Variants in KLHDC1 observed in about 807,000 individuals in gnomAD.
KLHDC1 encodes the protein kelch domain-containing protein 1.
In KLHDC1, 53 loss-of-function variants were observed where a neutral mutation model predicts 68.3. That is an observed-to-expected ratio of 0.78 (90% CI 0.62 to 0.98). KLHDC1 has a LOEUF of 0.98. Among genes scored for constraint, KLHDC1 ranks in the 50% least tolerant of loss-of-function variants. The pLI is 0.00. For synonymous variants in KLHDC1, 148 were observed against 159.0 expected (o/e 0.93, Z 0.52); for missense variants, 470 against 492.3 (o/e 0.95, Z 0.43).
intron 1 of KLHDC1, among the ~76,000 whole-genome samples, chr14:49,703,559 T>C (rs1477463270): frequency 6.6e-6 from 1 of 152,134 alleles, no homozygotes; most frequent in Non-Finnish European, 1.5e-5. Context: ...GCCAGGTTGA[T>C]CTTGGACTCC....
At chr14:49,707,963 A>G (rs141698913) in intron 1 of KLHDC1, among the ~76,000 whole-genome samples, 1,577 of 151,594 alleles carry the variant, frequency 0.01, 14 homozygotes, top group Admixed American at 0.015. Context: ...GCCTATTTTT[A>G]AATTTAAAGA....
At chr14:49,716,139 T>A (rs1888370572) in intron 4 of KLHDC1, among the ~76,000 whole-genome samples, 1 of 152,184 alleles carries the variant, frequency 6.6e-6, no homozygotes. Flanking sequence ...CTGAACTCTG[T>A]CTCTGAACCT....
chr14:49,711,873 G>A (rs747465840), intron 4 of KLHDC1, among the ~76,000 whole-genome samples: 49 of 137,768 alleles, frequency 3.6e-4, no homozygotes, highest in Non-Finnish European at 6.5e-4. Context: ...AGGTCTATAC[G>A]TTATAATCGA....
At chr14:49,716,913 T>A (rs1321037511) in intron 4 of KLHDC1, among the ~76,000 whole-genome samples, 1 of 152,208 alleles carries the variant, frequency 6.6e-6, no homozygotes, top group Non-Finnish European at 1.5e-5. Flanking sequence ...CTAATCTTTC[T>A]GTCTATAATA....
intron 9 of KLHDC1, among the ~76,000 whole-genome samples, chr14:49,733,430 C>CTTTTTT: frequency 7.2e-6 from 1 of 138,708 alleles, no homozygotes; most frequent in Non-Finnish European, 1.6e-5. Context: ...ATTTTCTTTT[C>CTTTTTT]TTTTTTTTTT....
At chr14:49,716,547 A>T (rs1037076850) in intron 4 of KLHDC1, among the ~76,000 whole-genome samples, 4 of 151,926 alleles carry the variant, frequency 2.6e-5, no homozygotes, top group Non-Finnish European at 5.9e-5. Flanking sequence ...CCATGCCCAG[A>T]TAATTTTTGT....
At chr14:49,703,623 G>A (rs1369790077) in intron 1 of KLHDC1, among the ~76,000 whole-genome samples, 1 of 152,166 alleles carries the variant, frequency 6.6e-6, no homozygotes, top group Non-Finnish European at 1.5e-5. Flanking sequence ...GATTACAGGT[G>A]TGAGCTCAGC....
At chr14:49,721,872 T>C (rs1384918883) in intron 4 of KLHDC1, among the ~76,000 whole-genome samples, 1 of 152,206 alleles carries the variant, frequency 6.6e-6, no homozygotes, top group African/African-American at 2.4e-5. Flanking sequence ...TCTTTCAGCC[T>C]TGCATCTCCT....
intron 1 of KLHDC1, among the ~76,000 whole-genome samples, chr14:49,705,447 C>G (rs1477430552): frequency 7.8e-6 from 1 of 127,520 alleles, no homozygotes; most frequent in African/African-American, 2.9e-5. Flanking sequence ...CAGGTTACTG[C>G]AACCTCCGCC....
intron 8 of KLHDC1, among the ~76,000 whole-genome samples, chr14:49,732,330 GC>G (rs1005338715): frequency 1.3e-5 from 2 of 152,004 alleles, no homozygotes; most frequent in Non-Finnish European, 2.9e-5. Flanking sequence ...ATGCCACCAG[GC>G]CCAGCTAATT....
At chr14:49,698,473 A>G (rs527358813) in intron 1 of KLHDC1, among the ~76,000 whole-genome samples, 1 of 151,262 alleles carries the variant, frequency 6.6e-6, no homozygotes, top group Non-Finnish European at 1.5e-5. Context: ...AAGTGCTGGG[A>G]TTACAGGCCT....
chr14:49,746,705 G>A (rs1259008025), intron 12 of KLHDC1, among the ~76,000 whole-genome samples: 1 of 152,164 alleles, frequency 6.6e-6, no homozygotes, highest in Non-Finnish European at 1.5e-5. Context: ...CCCAGTCACT[G>A]AGGACTTTGG....
intron 6 of KLHDC1, among the ~76,000 whole-genome samples, chr14:49,727,816 G>T (rs1329091618): frequency 1.3e-5 from 2 of 152,140 alleles, no homozygotes; most frequent in Non-Finnish European, 1.5e-5. Context: ...AGCCTGAAAA[G>T]TTTAGGAAGT....
At chr14:49,705,309 A>C (rs1395105780) in intron 1 of KLHDC1, among the ~76,000 whole-genome samples, 1 of 150,952 alleles carries the variant, frequency 6.6e-6, no homozygotes, top group Non-Finnish European at 1.5e-5. Context: ...ATAGGGAGCC[A>C]TTGAAAGGAC....
chr14:49,750,520 G>C (rs1180217425), intron 12 of KLHDC1, among the ~76,000 whole-genome samples: 1 of 152,160 alleles, frequency 6.6e-6, no homozygotes, highest in Non-Finnish European at 1.5e-5. Flanking sequence ...AGTTGTTCCA[G>C]AGTGGAGGGA....
intron 4 of KLHDC1, 119 bp downstream of exon 4, chr14:49,710,500 A>AT (rs1221966041): frequency 1.6e-6 from 1 of 611,734 alleles, no homozygotes; most frequent in African/African-American, 1.9e-5. Flanking sequence ...GATTTTCTAA[A>AT]TAATCAATAT....
chr14:49,703,031 T>C (rs1285661033), intron 1 of KLHDC1, among the ~76,000 whole-genome samples: 8 of 152,168 alleles, frequency 5.3e-5, no homozygotes, highest in Non-Finnish European at 8.8e-5. Flanking sequence ...AGCTACTTAA[T>C]ATTCGTTTCT....
At position 49,713,824 on chromosome 14, in the gene KLHDC1, ATATATATATATATATATATATATATAT is replaced by A. The variant is rs1368907203; in HGVS notation, c.404+3445_404+3471del. Among the ~76,000 whole-genome samples, 5 of 1,834 alleles carry A rather than the reference ATATATATATATATATATATATATATAT, an allele frequency of 2.7e-3. 1 individual carries two copies. Among genetic ancestry groups the A allele is most frequent in the African/African-American group, 4.3e-3 (5 of 1,160 alleles). The allele number at this position is 1,834 out of a possible 152,430, so 1.2% of individuals were successfully genotyped here. Reference sequence around the variant, plus strand: ...TATATATATATATATATATATATATATATATATATATATATATATATATATATTTTTTTTTTTTTTTTTCCTGAGACA... The same window carrying A: ...TATATATATATATATATATATATATATTTTTTTTTTTTTTTTCCTGAGACA... On this transcript the variant is annotated intron_variant, in intron 4 of 12. Coordinates refer to ENST00000359332, the MANE Select transcript of KLHDC1 (RefSeq NM_172193.3).
In KLHDC1 at chr14:49,723,878, A is replaced by G; in HGVS notation, c.409A>G (p.Ile137Val). 1 of 1,572,180 alleles carries G rather than the reference A, an allele frequency of 6.4e-7. No individual in the cohort carries two copies. Among genetic ancestry groups the G allele is most frequent in the South Asian group, 1.1e-5 (1 of 87,140 alleles). Residue 137 changes from isoleucine to valine, a missense_variant, in exon 5 of 13, where the codon ATA (isoleucine) becomes GTA (valine). By Grantham distance (29) the Ile-to-Val change is conservative. Transcript: ENST00000359332. ...CATTTCGTATTTGTTTTTCAGACTA[A>G]TATATTTTGGTGGTTATGGGTGTAG... ...LSCWVYKDRLIYFGGYGCRRH... is the reference protein window; with the variant it reads ...LSCWVYKDRLVYFGGYGCRRH...
Sources: allele counts gnomAD v4.1 joint callset (sites outside exome capture counted in the v4.1 genomes callset), GRCh38; gene constraint gnomAD v4.1.1; transcripts MANE v1.5; gene names NCBI Gene and HGNC (gene_info 2026-07-23, HGNC 2026-07-21).